The following PRKAG2 variants were observed in gnomAD, a reference collection of about 807,000 sequenced individuals.
PRKAG2 encodes the protein protein kinase AMP-activated non-catalytic subunit gamma 2, also known as 5'-AMP-activated protein kinase subunit gamma-2.
A neutral mutation model predicts 69.6 loss-of-function variants in PRKAG2; 26 were observed. The ratio of observed to expected loss-of-function variants is 0.37; its 90% CI spans 0.27 to 0.52. PRKAG2 has a LOEUF of 0.52. Among genes scored for constraint, PRKAG2 ranks in the 20% least tolerant of loss-of-function variants. PRKAG2 has a pLI of 0.90. For synonymous variants in PRKAG2, 293 were observed against 285.0 expected (o/e 1.03, Z -0.28); for missense variants, 557 against 740.0 (o/e 0.75, Z 2.87).
chr7:151,866,438 A>G (rs2080080299), intron 1 of PRKAG2, among the ~76,000 whole-genome samples: 1 of 152,260 alleles, frequency 6.6e-6, no homozygotes, highest in Non-Finnish European at 1.5e-5. Flanking sequence ...TACTTTAGAG[A>G]TAAAGAGAGA....
chr7:151,632,768 C>A lies in PRKAG2; in HGVS notation c.685-630G>T. ...TCGGCCCCCTTAACAAAAATCGTTC[C>A]GTGGGCTACACGTATTGTAGATGCA... On this transcript the variant is annotated intron_variant, in intron 4 of 15. Coordinates refer to ENST00000287878, the MANE Select transcript of PRKAG2 (RefSeq NM_016203.4). The surrounding 1 kb of genome is among the most constrained non-coding windows in gnomAD (Gnocchi z 4.2). The A allele has an allele frequency of 2.0e-5, 4 of 196,852 alleles. No individual in the cohort carries two copies. Among genetic ancestry groups the A allele is most frequent in the Non-Finnish European group, 3.7e-5 (4 of 108,842 alleles). 12.2% of individuals were successfully genotyped at this position (196,852 alleles called of 1,614,324 possible).
At position 151,764,567 on chromosome 7, in the gene PRKAG2, A is replaced by C. The variant is rs2075626947; in HGVS notation, c.466+16585T>G. Among the ~76,000 whole-genome samples the C allele has an allele frequency of 5.3e-5, 8 of 152,354 alleles. No individual in the cohort carries two copies. In the South Asian group the frequency reaches 1.7e-3, roughly 32 times the overall value. ...TCAGACGACCCAGGGAGAGCGGGGA[A>C]GTGCCTAGAGGCATCCCAGGACTGC... On this transcript the variant is annotated intron_variant, in intron 3 of 15. Coordinates refer to ENST00000287878, the MANE Select transcript of PRKAG2 (RefSeq NM_016203.4).
At position 151,781,005 on chromosome 7, in the gene PRKAG2, G is replaced by C; in HGVS notation, c.466+147C>G. The C allele has an allele frequency of 9.5e-7, 1 of 1,049,598 alleles. No homozygotes were observed. Among genetic ancestry groups the C allele is most frequent in the East Asian group, 2.4e-5 (1 of 42,234 alleles). The allele number at this position is 1,049,598 out of a possible 1,614,324, so 65.0% of individuals were successfully genotyped here. On this transcript the variant is annotated intron_variant, in intron 3 of 15. Transcript: ENST00000287878. The surrounding 1 kb of genome is among the most constrained non-coding windows in gnomAD (Gnocchi z 6.1). ...TGGAGAGAGATTTGTTTAGGGGGAA[G>C]TGGGGGTGGGGAGAAACAGATACAG...
intron 4 of PRKAG2, among the ~76,000 whole-genome samples, chr7:151,660,790 C>T (rs930887821): frequency 6.6e-6 from 1 of 152,196 alleles, no homozygotes; most frequent in Non-Finnish European, 1.5e-5. Context: ...AAATGTGACA[C>T]CGGAATTTAT....
chr7:151,681,114 C>T (rs1256240458), intron 3 of PRKAG2, among the ~76,000 whole-genome samples: 3 of 152,234 alleles, frequency 2.0e-5, no homozygotes, highest in African/African-American at 4.8e-5. Context: ...GCCCTGTCCC[C>T]TTGCAGGCCA....
rs1365686217 is a variant in PRKAG2, at chr7:151,870,150, TAGATAGGCAGGCAGGC to T, written c.114+6341_114+6356del. 3.3e-3 allele frequency among the ~76,000 whole-genome samples: 418 copies of T among 128,090 alleles called. 4 individuals carry two copies. The highest frequency in any genetic ancestry group is 8.9e-3 in the African/African-American group (319 of 35,932). 84.0% of individuals were successfully genotyped at this position (128,090 alleles called of 152,430 possible). A position where few individuals can be genotyped will look rare whatever the true frequency, so the allele number is the denominator to read the frequency against. On this transcript the variant is annotated intron_variant, in intron 1 of 15. Transcript: ENST00000287878. ...ATAGATAGATAGATAGATAGATAGA[TAGATAGGCAGGCAGGC>T]AGGCAGGCAGGCAGGCAGGCAGGCA...
chr7:151,578,993 T>C (rs995473179), intron 6 of PRKAG2, among the ~76,000 whole-genome samples: 2 of 152,114 alleles, frequency 1.3e-5, no homozygotes, highest in African/African-American at 4.8e-5. Context: ...GGGGGCACCT[T>C]TTATGTTTTA....
intron 4 of PRKAG2, among the ~76,000 whole-genome samples, chr7:151,635,496 C>T (rs1825576922): frequency 6.6e-6 from 1 of 152,142 alleles, no homozygotes; most frequent in Non-Finnish European, 1.5e-5. Context: ...CCGTAAAATA[C>T]TACTCAGCAA....
intron 3 of PRKAG2, among the ~76,000 whole-genome samples, chr7:151,720,924 G>A (rs1158843403): frequency 7.0e-6 from 1 of 141,882 alleles, no homozygotes; most frequent in Non-Finnish European, 1.5e-5. Flanking sequence ...GAATGGAGGG[G>A]GATGGAGAGG....
chr7:151,560,360 T>TA, intron 15 of PRKAG2, 164 bp downstream of exon 15: 1 of 1,534,346 alleles, frequency 6.5e-7, no homozygotes, highest in South Asian at 1.2e-5. Flanking sequence ...GCAGAACACT[T>TA]AAACTTCCCA....
intron 6 of PRKAG2, among the ~76,000 whole-genome samples, chr7:151,581,362 G>A (rs768890002): frequency 5.8e-4 from 88 of 152,182 alleles, no homozygotes; most frequent in Non-Finnish European, 1.0e-3. Flanking sequence ...TATGACCTAA[G>A]TCCTAGGATC....
chr7:151,674,643 C>T (rs910383473), intron 4 of PRKAG2, among the ~76,000 whole-genome samples: 4 of 152,190 alleles, frequency 2.6e-5, no homozygotes, highest in East Asian at 1.9e-4. Context: ...AGGCTGCACA[C>T]GTCTGTCGCT....
In PRKAG2 at chr7:151,781,491, C is replaced by T. The variant is rs2076667062; in HGVS notation, c.187-60G>A. 2.0e-6 allele frequency: 3 copies of T among 1,537,640 alleles called. No homozygotes were observed. The highest frequency in any genetic ancestry group is 2.6e-6 in the Non-Finnish European group (3 of 1,139,814). On this transcript the variant is annotated intron_variant, in intron 2 of 15. Coordinates refer to ENST00000287878, the MANE Select transcript of PRKAG2 (RefSeq NM_016203.4). The surrounding 1 kb of genome is among the most constrained non-coding windows in gnomAD (Gnocchi z 6.1). ...CACGCTCTGGACACGCTGCCTCCTG[C>T]CCTGTATGAAACTTATCATTGTCCT...
intron 3 of PRKAG2, among the ~76,000 whole-genome samples, chr7:151,748,697 G>C (rs1206562400): frequency 1.3e-5 from 2 of 152,128 alleles, no homozygotes; most frequent in African/African-American, 4.8e-5. Context: ...TCTGGTAAAT[G>C]GTGATAAGTA....
chr7:151,711,019 GTTAGAGTACTAAGAGTGCTAGGC>G lies in PRKAG2; in HGVS notation c.467-35405_467-35383del, dbSNP rs1232600116. On this transcript the variant is annotated intron_variant, in intron 3 of 15. Transcript: ENST00000287878. ...AGGAATACAGTACTAACATGCTAGG[GTTAGAGTACTAAGAGTGCTAGGC>G]TTAGAGTACTGAGAGTGCTAGACTT... is the stretch of plus-strand genomic sequence containing the variant. Among the ~76,000 whole-genome samples the G allele has an allele frequency of 7.2e-5, 11 of 152,214 alleles. No individual in the cohort carries two copies. In the South Asian group the frequency reaches 1.7e-3, roughly 23 times the overall value.
chr7:151,713,717 T>C lies in PRKAG2; in HGVS notation c.467-38080A>G, dbSNP rs148271920. 9.9e-3 allele frequency among the ~76,000 whole-genome samples: 1,502 copies of C among 151,904 alleles called. 15 individuals carry two copies. Among genetic ancestry groups the C allele is most frequent in the Middle Eastern group, 0.017 (5 of 292 alleles). On this transcript the variant is annotated intron_variant, in intron 3 of 15. Transcript: ENST00000287878. ...GCCTCAGCTTCCTGAGTAGCTGGGA[T>C]TACAGGTGCAGGCCACCACACCCAG...
At chr7:151,628,097 G>A (rs375776627) in intron 5 of PRKAG2, among the ~76,000 whole-genome samples, 32 of 152,308 alleles carry the variant, frequency 2.1e-4, no homozygotes, top group Middle Eastern at 3.4e-3. Context: ...GCTAAGAAGC[G>A]GGTAAAATCA....
intron 1 of PRKAG2, among the ~76,000 whole-genome samples, chr7:151,793,263 G>A (rs1486587135): frequency 1.3e-5 from 2 of 152,158 alleles, no homozygotes; most frequent in African/African-American, 2.4e-5. Context: ...GTGTTTGGAC[G>A]GAGTCTCGGG....
At chr7:151,595,007 A>G (rs1243971154) in intron 6 of PRKAG2, among the ~76,000 whole-genome samples, 1 of 152,170 alleles carries the variant, frequency 6.6e-6, no homozygotes, top group Non-Finnish European at 1.5e-5. Flanking sequence ...CACGTTGGCC[A>G]GGCTGGTCTC....
Sources: gnomAD v4.1 joint callset for allele counts (sites outside exome capture counted in the v4.1 genomes callset) on GRCh38, gnomAD v4.1.1 for gene constraint, Gnocchi (gnomAD v3.1) non-coding constraint, MANE v1.5 for transcripts, NCBI Gene and HGNC (gene_info 2026-07-23, HGNC 2026-07-21) for gene names.